BNC2: variants seen among roughly 807,000 people sequenced by gnomAD.
BNC2 encodes basonuclin zinc finger protein 2, also known as zinc finger protein basonuclin-2.
In BNC2, 20 loss-of-function variants were observed where a neutral mutation model predicts 76.3. The ratio of observed to expected loss-of-function variants is 0.26; its 90% CI spans 0.18 to 0.38. The LOEUF is 0.38. Among genes scored for constraint, BNC2 ranks in the 10% least tolerant of loss-of-function variants. BNC2 has a pLI of 1.00. For missense variants in BNC2, 1,382 were observed against 1,399.8 expected (o/e 0.99, Z 0.20); for synonymous variants, 582 against 514.8 (o/e 1.13, Z -1.77).
At chr9:16,674,568 C>T (rs1822579676) in intron 3 of BNC2, among the ~76,000 whole-genome samples, 1 of 151,766 alleles carries the variant, frequency 6.6e-6, no homozygotes. Context: ...AAGGTTTTTA[C>T]TTGTCTTTGA....
At chr9:16,763,009 T>C (rs1446132631) in intron 1 of BNC2, among the ~76,000 whole-genome samples, 1 of 152,182 alleles carries the variant, frequency 6.6e-6, no homozygotes, top group Non-Finnish European at 1.5e-5. Context: ...AAGACTCACT[T>C]ATCAATACAG....
chr9:16,441,226 T>C (rs7041544), intron 5 of BNC2, among the ~76,000 whole-genome samples: 13,655 of 152,174 alleles, frequency 0.09, 657 homozygotes, highest in Middle Eastern at 0.15. Context: ...ACTGCTTGAA[T>C]CCAGGAGGTT....
chr9:16,649,924 T>C (rs375497475), intron 3 of BNC2, among the ~76,000 whole-genome samples: 3 of 152,270 alleles, frequency 2.0e-5, no homozygotes, highest in East Asian at 3.9e-4. Context: ...AAATCTTCTG[T>C]AATCTTGCAT....
chr9:16,503,336 T>A (rs1264472962), intron 5 of BNC2, among the ~76,000 whole-genome samples: 1 of 152,144 alleles, frequency 6.6e-6, no homozygotes, highest in African/African-American at 2.4e-5. Context: ...CCAAACACTA[T>A]ACCACGGATG....
At chr9:16,645,808 C>A (rs568084838) in intron 3 of BNC2, among the ~76,000 whole-genome samples, 1 of 152,244 alleles carries the variant, frequency 6.6e-6, no homozygotes, top group East Asian at 1.9e-4. Flanking sequence ...AACCTAATCA[C>A]CCAGCACTTC....
chr9:16,839,284 G>A (rs1471023918), intron 1 of BNC2, among the ~76,000 whole-genome samples: 4 of 152,116 alleles, frequency 2.6e-5, no homozygotes, highest in Non-Finnish European at 4.4e-5. Flanking sequence ...ACTAGCACTC[G>A]TTGCTAAGGC....
intron 3 of BNC2, among the ~76,000 whole-genome samples, chr9:16,695,611 G>C (rs1008665899): frequency 1.3e-5 from 2 of 149,142 alleles, no homozygotes; most frequent in East Asian, 3.9e-4. Context: ...CTGGCCTCAA[G>C]TGATCCTCCT....
Position 16,553,897 on chromosome 9 carries a change from T to C in BNC2, c.434-1132A>G, listed in dbSNP as rs1275934931. On this transcript the variant is annotated intron_variant, in intron 4 of 6. Coordinates refer to ENST00000380672, the MANE Select transcript of BNC2 (RefSeq NM_017637.6). ...CTGCAAAGATTAGTGAGATAACGAG[T>C]GAGAGGCACTCTAAACTCCTTAAGA... 2.6e-5 allele frequency among the ~76,000 whole-genome samples: 4 copies of C among 152,090 alleles called. No individual in the cohort carries two copies. In the South Asian group the frequency reaches 6.2e-4, roughly 24 times the overall value.
chr9:16,441,133 CCTGTCTACAAAAA>C (rs1386862488), intron 5 of BNC2, among the ~76,000 whole-genome samples: 1 of 152,044 alleles, frequency 6.6e-6, no homozygotes, highest in Non-Finnish European at 1.5e-5. Context: ...ATGGCAAGAC[CCTGTCTACAAAAA>C]TTAAAAAACT....
chr9:16,504,006 T>C (rs1394663516), intron 5 of BNC2, among the ~76,000 whole-genome samples: 3 of 152,156 alleles, frequency 2.0e-5, no homozygotes, highest in African/African-American at 7.2e-5. Flanking sequence ...GAAATGAATA[T>C]ACTCTGATCT....
At chr9:16,685,197 T>C (rs1225238030) in intron 3 of BNC2, among the ~76,000 whole-genome samples, 1 of 152,202 alleles carries the variant, frequency 6.6e-6, no homozygotes, top group East Asian at 1.9e-4. Context: ...ATCATCACCT[T>C]GTGTGGTAAA....
intron 1 of BNC2, among the ~76,000 whole-genome samples, chr9:16,851,507 AAAAAAT>A (rs1165353926): frequency 6.6e-6 from 1 of 152,204 alleles, no homozygotes; most frequent in Non-Finnish European, 1.5e-5. Context: ...CCCTGTCTCA[AAAAAAT>A]AAAAATAAAA....
chr9:16,491,474 A>T (rs1330770115), intron 5 of BNC2, among the ~76,000 whole-genome samples: 1 of 152,220 alleles, frequency 6.6e-6, no homozygotes, highest in African/African-American at 2.4e-5. Flanking sequence ...AAACACACAT[A>T]AAACTCCTAC....
intron 5 of BNC2, among the ~76,000 whole-genome samples, chr9:16,465,433 C>CAAAAAAA (rs1563796567): frequency 4.8e-5 from 2 of 41,480 alleles, no homozygotes; most frequent in East Asian, 1.2e-3. Flanking sequence ...GACTCCAACT[C>CAAAAAAA]CAAAAAAAAA....
At chr9:16,817,767 A>C (rs1818219852) in intron 1 of BNC2, among the ~76,000 whole-genome samples, 1 of 152,166 alleles carries the variant, frequency 6.6e-6, no homozygotes, top group African/African-American at 2.4e-5. Context: ...TCACTCAATA[A>C]GCATTTACTG....
chr9:16,813,715 C>A (rs1321806517), intron 1 of BNC2, among the ~76,000 whole-genome samples: 1 of 152,176 alleles, frequency 6.6e-6, no homozygotes, highest in Non-Finnish European at 1.5e-5. Flanking sequence ...AACTCATTTT[C>A]TTGCAAGAGC....
intron 1 of BNC2, among the ~76,000 whole-genome samples, chr9:16,866,305 G>A (rs1196255389): frequency 6.6e-6 from 1 of 151,954 alleles, no homozygotes; most frequent in Admixed American, 6.6e-5. Flanking sequence ...ATAACAGGAA[G>A]CATTTATTTT....
At chr9:16,604,623 C>T (rs138614420) in intron 3 of BNC2, among the ~76,000 whole-genome samples, 3,844 of 152,028 alleles carry the variant, frequency 0.025, 115 homozygotes, top group South Asian at 0.17. Context: ...ATGGCAAAAC[C>T]GCAGCTCTAC....
chr9:16,707,199 C>G (rs564267883), intron 3 of BNC2, among the ~76,000 whole-genome samples: 2 of 151,038 alleles, frequency 1.3e-5, no homozygotes, highest in African/African-American at 2.4e-5. Flanking sequence ...AAGACTCCGC[C>G]CCCCCGCCAA....
Sources: gnomAD v4.1 joint callset for allele counts (sites outside exome capture counted in the v4.1 genomes callset) on GRCh38, gnomAD v4.1.1 for gene constraint, MANE v1.5 for transcripts, NCBI Gene and HGNC (gene_info 2026-07-23, HGNC 2026-07-21) for gene names.